AGTRAP: variants seen among roughly 807,000 people sequenced by gnomAD.
AGTRAP encodes type-1 angiotensin II receptor-associated protein.
AGTRAP carries 7 observed loss-of-function variants against 15.2 expected under a neutral mutation model. The observed-to-expected ratio is 0.46, with a 90% confidence interval of 0.26 to 0.87. The LOEUF is 0.87. AGTRAP is among the 40% of genes least tolerant of loss of function. The pLI, the probability that AGTRAP is intolerant of heterozygous loss-of-function variation, is 0.15. For synonymous variants in AGTRAP, 74 were observed against 89.6 expected (o/e 0.83, Z 0.98); for missense variants, 187 against 213.4 (o/e 0.88, Z 0.77).
chr1:11,737,806 C>T (rs923126125), intron 1 of AGTRAP, among the ~76,000 whole-genome samples: 3 of 152,174 alleles, frequency 2.0e-5, no homozygotes, highest in Non-Finnish European at 2.9e-5. Context: ...TGCTGGCTTT[C>T]GGTACCCAGG....
rs1011264616 is a variant in AGTRAP at position 11,736,142 on chromosome 1, G to C, written c.-67G>C. ...GGGCGGGGCGGGGCCGGGCAAGTTT[G>C]TTCCCCGAGTTCGGAGCCTAGGAGC... On this transcript the variant is annotated 5_prime_UTR_variant, in exon 1 of 5. Transcript: ENST00000314340. 1 of 1,561,182 alleles carries C rather than the reference G, an allele frequency of 6.4e-7. No individual in the cohort carries two copies. The highest frequency in any genetic ancestry group is 8.7e-7 in the Non-Finnish European group (1 of 1,152,204).
chr1:11,737,607 T>C (rs1641930887), intron 1 of AGTRAP, among the ~76,000 whole-genome samples: 1 of 151,864 alleles, frequency 6.6e-6, no homozygotes. Flanking sequence ...CCACGGGGAG[T>C]AAGTGGCAAT....
Position 11,745,955 on chromosome 1 carries a change from C to T in AGTRAP, c.62+118C>T. On this transcript the variant is annotated intron_variant, in intron 2 of 4. Transcript: ENST00000314340. This position sits in a 1 kb window ranked among gnomAD's most constrained non-coding sequence, Gnocchi z 4.2. The stretch of plus-strand genomic sequence containing the variant: ...GTCACTTTGGGCCAGACAGCTCTGC[C>T]TCTCCGGGTCTTGATTTCCGTCTGT... 1.4e-6 allele frequency: 2 copies of T among 1,410,804 alleles called. No homozygotes were observed. The highest frequency in any genetic ancestry group is 2.3e-5 in the South Asian group (2 of 86,494). 87.4% of individuals were successfully genotyped at this position (1,410,804 alleles called of 1,614,324 possible).
Position 11,745,885 on chromosome 1 carries a change from C to G in AGTRAP, c.62+48C>G. 1 of 1,610,576 alleles carries G rather than the reference C, an allele frequency of 6.2e-7. No homozygotes were observed. The highest frequency in any genetic ancestry group is 1.1e-5 in the South Asian group (1 of 91,004). The stretch of plus-strand genomic sequence containing the variant: ...TGTGTGTCTCCTGCGGTCTCAGGGT[C>G]TGTGTCAGCCGGGTCAGGTCCTGGT... On this transcript the variant is annotated intron_variant, in intron 2 of 4. Transcript: ENST00000314340. This position sits in a 1 kb window ranked among gnomAD's most constrained non-coding sequence, Gnocchi z 4.2.
At position 11,747,551 on chromosome 1, in the gene AGTRAP, C is replaced by T. The variant is rs762295271; in HGVS notation, c.168+6C>T. On this transcript the variant is annotated splice_donor_region_variant and intron_variant, in intron 3 of 4. Transcript: ENST00000314340. ...CCATCGACGCCATAAGCATGGTGAG[C>T]CAGGGTGGGGGAGAGGCGGCAAGGC... 1 of 1,613,354 alleles carries T rather than the reference C, an allele frequency of 6.2e-7. No homozygotes were observed. Among genetic ancestry groups the T allele is most frequent in the Admixed American group, 1.7e-5 (1 of 60,030 alleles).
intron 1 of AGTRAP, among the ~76,000 whole-genome samples, chr1:11,737,113 G>A (rs1026351721): frequency 6.6e-6 from 1 of 152,226 alleles, no homozygotes; most frequent in African/African-American, 2.4e-5. Context: ...GGGACTAAAG[G>A]AACCTGAGAA....
Position 11,745,885 on chromosome 1 carries a change from CTG to C in AGTRAP, c.62+52_62+53del, listed in dbSNP as rs1198967140. The stretch of plus-strand genomic sequence containing the variant: ...TGTGTGTCTCCTGCGGTCTCAGGGT[CTG>C]TGTCAGCCGGGTCAGGTCCTGGTTC... On this transcript the variant is annotated intron_variant, in intron 2 of 4. Transcript: ENST00000314340. The surrounding 1 kb of genome is among the most constrained non-coding windows in gnomAD (Gnocchi z 4.2). 1 of 1,610,576 alleles carries C rather than the reference CTG, an allele frequency of 6.2e-7. No homozygotes were observed.
Position 11,750,293 on chromosome 1 carries a change from A to G in AGTRAP, c.*101A>G. The G allele has an allele frequency of 9.8e-7, 1 of 1,024,956 alleles. No homozygotes were observed. The highest frequency in any genetic ancestry group is 1.5e-6 in the Non-Finnish European group (1 of 678,958). 63.5% of individuals were successfully genotyped at this position (1,024,956 alleles called of 1,614,324 possible). On this transcript the variant is annotated 3_prime_UTR_variant, in exon 5 of 5. Transcript: ENST00000314340. ...CTCCGTCTCTTGGACCTAAGATGGA[A>G]TGTGTCCCCAGCTCAGGGATTGCCT...
In AGTRAP at chr1:11,744,407, G is replaced by A. The variant is rs575045167; in HGVS notation, c.28-1396G>A. 7.0e-6 allele frequency: 4 copies of A among 575,212 alleles called. No homozygotes were observed. The Admixed American group carries it at 9.0e-5, about 13-fold the overall frequency. The allele number at this position is 575,212 out of a possible 1,614,324, so 35.6% of individuals were successfully genotyped here. The stretch of plus-strand genomic sequence containing the variant: ...TAGAAAAGTCTCAGTGGTGTCCCTC[G>A]TTGCACTTGGCATGAAGCCCACGCT... On this transcript the variant is annotated intron_variant, in intron 1 of 4. Coordinates refer to ENST00000314340, the MANE Select transcript of AGTRAP (RefSeq NM_020350.5).
rs1021330915 is a variant in AGTRAP at position 11,745,146 on chromosome 1, C to T, written c.28-657C>T. Among the ~76,000 whole-genome samples, 2 of 152,212 alleles carry T rather than the reference C, an allele frequency of 1.3e-5. No homozygotes were observed. Among genetic ancestry groups the T allele is most frequent in the African/African-American group, 2.4e-5 (1 of 41,448 alleles). Reference sequence around the variant, plus strand: ...CTGGGATTACAGGTGTGATCCACCGCGCCCAGGCTGGTTGCCCATTTTTAT... The same window carrying T: ...CTGGGATTACAGGTGTGATCCACCGTGCCCAGGCTGGTTGCCCATTTTTAT... On this transcript the variant is annotated intron_variant, in intron 1 of 4. Transcript: ENST00000314340. This position sits in a 1 kb window ranked among gnomAD's most constrained non-coding sequence, Gnocchi z 4.2.
At chr1:11,748,633 G>A (rs767731457) in intron 4 of AGTRAP, 23 bp downstream of exon 4, 2 of 1,594,866 alleles carry the variant, frequency 1.3e-6, no homozygotes, top group Non-Finnish European at 1.7e-6. Flanking sequence ...CCTCCAGCCA[G>A]CTCCTCACCG....
rs76425466 is a variant in AGTRAP, at chr1:11,744,535, C to T, written c.28-1268C>T. ...GCTTTCCCCTCTGCCCCCCACAGTG[C>T]GCCAGCTCCAGTGTCCCAAGAAATC... On this transcript the variant is annotated intron_variant, in intron 1 of 4. Transcript: ENST00000314340. The T allele has an allele frequency of 1.7e-3, 1,214 of 716,436 alleles. 11 individuals are homozygous for T. The African/African-American group carries it at 0.019, about 11-fold the overall frequency. The allele number at this position is 716,436 out of a possible 1,614,324, so 44.4% of individuals were successfully genotyped here. A position where few individuals can be genotyped will look rare whatever the true frequency, so the allele number is the denominator to read the frequency against.
intron 4 of AGTRAP, among the ~76,000 whole-genome samples, 160 bp from the exon 5 acceptor site, chr1:11,749,917 G>A (rs1405284188): frequency 2.0e-5 from 3 of 151,894 alleles, no homozygotes; most frequent in Non-Finnish European, 4.4e-5. Context: ...AATAATACAC[G>A]CTAAAGGTTT....
chr1:11,748,311 C>T (rs1243913681), intron 3 of AGTRAP, 104 bp from the exon 4 acceptor site: 1 of 1,317,444 alleles, frequency 7.6e-7, no homozygotes, highest in Non-Finnish European at 1.1e-6. Context: ...CCGCAAGCCC[C>T]AAGGACACAG....
In AGTRAP at chr1:11,749,516, G is replaced by GA. The variant is rs1360521312; in HGVS notation, c.365-559dup. On this transcript the variant is annotated intron_variant, in intron 4 of 4. Coordinates refer to ENST00000314340, the MANE Select transcript of AGTRAP (RefSeq NM_020350.5). ...TGGGACTTGTTCAGGGTCCCGGGAT[G>GA]AATGTACAGAGTAGGGGATGGGAGT... Among the ~76,000 whole-genome samples, 4 of 152,384 alleles carry GA rather than the reference G, an allele frequency of 2.6e-5. No individual in the cohort carries two copies. The East Asian group carries it at 7.7e-4, about 29-fold the overall frequency.
rs561356662 is a variant in AGTRAP, at chr1:11,750,182, G to T, written c.470G>T (p.Arg157Leu). ...CCAGAGGGCAGGAGTCAAGATGCCC[G>T]AGGGTACTGAAGCCAGCCACGCTGC... ...AVPEGRSQDA[R>L]GY Residue 157 changes from arginine (R) to leucine (L), a missense_variant, in exon 5 of 5, where the codon CGA becomes CTA. Transcript: ENST00000314340. 3 of 1,613,342 alleles carry T rather than the reference G, an allele frequency of 1.9e-6. No individual in the cohort carries two copies. The South Asian group carries it at 3.3e-5, about 18-fold the overall frequency.
intron 4 of AGTRAP, among the ~76,000 whole-genome samples, 165 bp from the exon 5 acceptor site, chr1:11,749,912 T>C (rs752434490): frequency 1.2e-4 from 18 of 151,800 alleles, no homozygotes; most frequent in Non-Finnish European, 2.4e-4. Flanking sequence ...GAATGAATAA[T>C]ACACGCTAAA....
chr1:11,743,424 T>C (rs943307790), intron 1 of AGTRAP, among the ~76,000 whole-genome samples: 3 of 148,420 alleles, frequency 2.0e-5, no homozygotes, highest in African/African-American at 4.9e-5. Context: ...TTTTGTCTTT[T>C]TAGTAGAGAC....
chr1:11,743,504 C>G (rs1429326423), intron 1 of AGTRAP, among the ~76,000 whole-genome samples: 1 of 152,058 alleles, frequency 6.6e-6, no homozygotes, highest in African/African-American at 2.4e-5. Context: ...CCTTGGCCTC[C>G]CACAGTGCTG....
Sources: allele counts gnomAD v4.1 joint callset (sites outside exome capture counted in the v4.1 genomes callset), GRCh38; gene constraint gnomAD v4.1.1; non-coding constraint Gnocchi (gnomAD v3.1); transcripts MANE v1.5; gene names NCBI Gene and HGNC (gene_info 2026-07-23, HGNC 2026-07-21).